RNF180: variants seen among roughly 807,000 people sequenced by gnomAD.
RNF180 encodes the protein ring finger protein 180, also known as E3 ubiquitin-protein ligase RNF180.
Under a neutral mutation model 59.2 loss-of-function variants are expected in RNF180, and 38 were observed. The ratio of observed to expected loss-of-function variants is 0.64; its 90% CI spans 0.50 to 0.84. The LOEUF (loss-of-function observed/expected upper bound fraction) is 0.84. RNF180 is among the 40% of genes least tolerant of loss of function. The pLI is 0.00. For missense variants in RNF180, 705 were observed against 700.9 expected, an observed-to-expected ratio of 1.01 and a Z score of -0.07; for synonymous variants, 262 against 240.3, an observed-to-expected ratio of 1.09 and a Z score of -0.84.
Position 64,362,514 on chromosome 5 carries a change from G to A in RNF180, c.1580-7101G>A, listed in dbSNP as rs182464930. Among the ~76,000 whole-genome samples, 18 of 151,854 alleles carry A rather than the reference G, an allele frequency of 1.2e-4. 1 individual carries two copies. In the East Asian group the frequency reaches 2.7e-3, roughly 23 times the overall value. ...TCTTGGGCATTTAGGTTTATTCCAC[G>A]TCTTTGCTATTGTGAATAGTGCTGC... On this transcript the variant is annotated intron_variant, in intron 7 of 7. Coordinates refer to ENST00000389100, the MANE Select transcript of RNF180 (RefSeq NM_001113561.2).
At chr5:64,262,960 C>G (rs940203325) in intron 5 of RNF180, among the ~76,000 whole-genome samples, 1 of 152,102 alleles carries the variant, frequency 6.6e-6, no homozygotes, top group Admixed American at 6.6e-5. Context: ...ATCCTGTTCT[C>G]TAGGAGTCCC....
At chr5:64,307,713 T>C (rs7724700) in intron 5 of RNF180, among the ~76,000 whole-genome samples, 3,299 of 151,862 alleles carry the variant, frequency 0.022, 88 homozygotes, top group African/African-American at 0.056. Flanking sequence ...ATTAGCAAAA[T>C]CATCTAACAT....
At chr5:64,300,294 T>C (rs1743092470) in intron 5 of RNF180, among the ~76,000 whole-genome samples, 1 of 151,780 alleles carries the variant, frequency 6.6e-6, no homozygotes, top group East Asian at 1.9e-4. Context: ...CACCTCAAAT[T>C]GCGAAAGTTA....
At position 64,351,356 on chromosome 5, in the gene RNF180, C is replaced by G. The variant is rs572771853; in HGVS notation, c.1580-18259C>G. On this transcript the variant is annotated intron_variant, in intron 7 of 7. Transcript: ENST00000389100. ...CAATCATGTCATCTGCAAACAGGGA[C>G]AATTTGACTTCCTCTTTTCCTAATT... 4.5e-3 allele frequency among the ~76,000 whole-genome samples: 679 copies of G among 152,200 alleles called. 1 individual carries two copies. Among genetic ancestry groups the G allele is most frequent in the South Asian group, 0.011 (54 of 4,828 alleles).
At chr5:64,282,599 T>C (rs1742067305) in intron 5 of RNF180, among the ~76,000 whole-genome samples, 2 of 152,184 alleles carry the variant, frequency 1.3e-5, no homozygotes, top group South Asian at 4.1e-4. Flanking sequence ...TTTGCTGTTA[T>C]TTCTCTAGTT....
chr5:64,336,335 C>CTAA (rs1745123433), intron 7 of RNF180, among the ~76,000 whole-genome samples: 1 of 152,208 alleles, frequency 6.6e-6, no homozygotes, highest in Non-Finnish European at 1.5e-5. Context: ...TACCTCTAAT[C>CTAA]TGTGACTTCT....
At chr5:64,169,070 G>A (rs1749800348) in intron 1 of RNF180, among the ~76,000 whole-genome samples, 1 of 152,152 alleles carries the variant, frequency 6.6e-6, no homozygotes, top group South Asian at 2.1e-4. Flanking sequence ...GGTTTACTAA[G>A]CCCTTTCCTG....
At chr5:64,344,035 C>T (rs907536212) in intron 7 of RNF180, among the ~76,000 whole-genome samples, 1 of 151,364 alleles carries the variant, frequency 6.6e-6, no homozygotes, top group African/African-American at 2.4e-5. Flanking sequence ...GAAAGAAAAC[C>T]ATATCTAGAG....
intron 5 of RNF180, among the ~76,000 whole-genome samples, chr5:64,301,107 A>G (rs1743138342): frequency 6.6e-6 from 1 of 151,814 alleles, no homozygotes; most frequent in Non-Finnish European, 1.5e-5. Context: ...ACACTGTAAA[A>G]CAGTAAAGAT....
At chr5:64,317,623 TACACAC>T (rs3069586) in intron 5 of RNF180, among the ~76,000 whole-genome samples, 58 of 144,914 alleles carry the variant, frequency 4.0e-4, no homozygotes, top group South Asian at 1.3e-3. Flanking sequence ...CACACATATA[TACACAC>T]ACACACACAC....
chr5:64,244,780 A>G lies in RNF180; in HGVS notation c.1227+27384A>G, dbSNP rs536054201. Among the ~76,000 whole-genome samples the G allele has an allele frequency of 2.0e-5, 3 of 152,334 alleles. No individual in the cohort carries two copies. The South Asian group carries it at 6.2e-4, about 32-fold the overall frequency. Reference sequence around the variant, plus strand: ...CTCAAGAAGAGCAACCCCAAGACACATAATCCTCAGATTCACCAAGGTTGA... The same window carrying G: ...CTCAAGAAGAGCAACCCCAAGACACGTAATCCTCAGATTCACCAAGGTTGA... On this transcript the variant is annotated intron_variant, in intron 5 of 7. Coordinates refer to ENST00000389100, the MANE Select transcript of RNF180 (RefSeq NM_001113561.2).
At chr5:64,216,436 A>G (rs973371944) in intron 4 of RNF180, among the ~76,000 whole-genome samples, 2 of 152,294 alleles carry the variant, frequency 1.3e-5, no homozygotes, top group African/African-American at 4.8e-5. Context: ...TGACTTCAGT[A>G]CAGATCAATC....
intron 5 of RNF180, among the ~76,000 whole-genome samples, chr5:64,253,772 T>C (rs552841210): frequency 6.6e-6 from 1 of 152,240 alleles, no homozygotes; most frequent in South Asian, 2.1e-4. Flanking sequence ...AGTTCCTTCA[T>C]TATAACCCCA....
At chr5:64,296,560 G>T (rs747686109) in intron 5 of RNF180, among the ~76,000 whole-genome samples, 6 of 151,988 alleles carry the variant, frequency 3.9e-5, no homozygotes, top group Non-Finnish European at 5.9e-5. Flanking sequence ...CATTTTTCTA[G>T]GGAGAGGATC....
At chr5:64,325,523 A>G (rs778950189) in intron 6 of RNF180, 112 bp downstream of exon 6, 21 of 782,594 alleles carry the variant, frequency 2.7e-5, no homozygotes, top group Non-Finnish European at 4.4e-5. Context: ...ATAATTTGTT[A>G]TTCTCCAGTT....
intron 5 of RNF180, among the ~76,000 whole-genome samples, chr5:64,285,349 G>T (rs1438247484): frequency 6.6e-6 from 1 of 152,188 alleles, no homozygotes; most frequent in Non-Finnish European, 1.5e-5. Flanking sequence ...CATATCAGCT[G>T]GGGTGGGTAG....
At chr5:64,215,117 T>C (rs528717253) in intron 4 of RNF180, among the ~76,000 whole-genome samples, 2 of 152,280 alleles carry the variant, frequency 1.3e-5, no homozygotes, top group African/African-American at 2.4e-5. Context: ...TCAGTACCCA[T>C]AGTAATATGC....
At chr5:64,215,491 A>G (rs552971077) in intron 4 of RNF180, among the ~76,000 whole-genome samples, 2 of 152,306 alleles carry the variant, frequency 1.3e-5, no homozygotes, top group South Asian at 2.1e-4. Context: ...GTTACATAGT[A>G]TAATTATTTC....
At chr5:64,222,026 C>T (rs1741367280) in intron 5 of RNF180, among the ~76,000 whole-genome samples, 1 of 152,144 alleles carries the variant, frequency 6.6e-6, no homozygotes, top group African/African-American at 2.4e-5. Flanking sequence ...TAGGATACCA[C>T]ATTACAATTA....
Sources: allele counts gnomAD v4.1 joint callset (sites outside exome capture counted in the v4.1 genomes callset), GRCh38; gene constraint gnomAD v4.1.1; transcripts MANE v1.5; gene names NCBI Gene and HGNC (gene_info 2026-07-23, HGNC 2026-07-21).